Variants in SPOP observed in about 807,000 individuals in gnomAD.
SPOP encodes speckle-type POZ protein.
A neutral mutation model predicts 45.6 loss-of-function variants in SPOP; 11 were observed. The observed-to-expected ratio is 0.24, with a 90% CI of 0.15 to 0.40. The LOEUF (loss-of-function observed/expected upper bound fraction) is 0.40, where lower values mean the gene tolerates loss of function less well. Ranked by LOEUF, SPOP falls within the 10% of genes least tolerant of loss-of-function variation. The pLI is 1.00. For missense variants in SPOP, 152 were observed against 465.6 expected (o/e 0.33, Z 6.20); for synonymous variants, 166 against 166.3 (o/e 1.00, Z 0.01).
intron 1 of SPOP, among the ~76,000 whole-genome samples, chr17:49,644,559 A>G (rs2072719169): frequency 6.6e-6 from 1 of 152,226 alleles, no homozygotes; most frequent in Non-Finnish European, 1.5e-5. Context: ...GGTAAAAAGG[A>G]AAACAATTTA....
At chr17:49,632,647 C>T (rs1006448123) in intron 1 of SPOP, among the ~76,000 whole-genome samples, 57 of 152,188 alleles carry the variant, frequency 3.7e-4, no homozygotes, top group African/African-American at 1.4e-3. Flanking sequence ...CGCCCACCAA[C>T]ATGCCCAGGT....
Position 49,622,760 on chromosome 17 carries a change from G to C in SPOP, c.51C>G (p.Pro17=), listed in dbSNP as rs528362520. The change falls in exon 2 of 10, where the codon CCC becomes CCG. Residue 17 remains proline, a synonymous_variant. Transcript: ENST00000504102. The part of the protein sequence containing the change: ...PPPPAEMSSG[P]VAESWCYTQI... ...GTGTGTAGCACCAACTCTCAGCTACGGGGCCACTCGACATTTCTGCCGGAG... is the reference window on the plus strand; with the variant it reads ...GTGTGTAGCACCAACTCTCAGCTACCGGGCCACTCGACATTTCTGCCGGAG... The C allele has an allele frequency of 6.2e-7, 1 of 1,614,126 alleles. No individual in the cohort carries two copies. The highest frequency in any genetic ancestry group is 2.2e-5 in the East Asian group (1 of 44,870).
intron 1 of SPOP, among the ~76,000 whole-genome samples, chr17:49,673,313 G>A (rs566566648): frequency 1.3e-5 from 2 of 152,148 alleles, no homozygotes; most frequent in Admixed American, 6.6e-5. Context: ...AGACCATCCT[G>A]GCTAACATGG....
At position 49,607,873 on chromosome 17, in the gene SPOP, C is replaced by T; in HGVS notation, c.714+1G>A. 1 of 1,611,126 alleles carries T rather than the reference C, an allele frequency of 6.2e-7. No homozygotes were observed. The highest frequency in any genetic ancestry group is 8.5e-7 in the Non-Finnish European group (1 of 1,178,216). On this transcript the variant is annotated splice_donor_variant, in intron 7 of 9. Coordinates refer to ENST00000504102, the MANE Select transcript of SPOP (RefSeq NM_001007228.2). LOFTEE classifies it high-confidence loss of function. Reference sequence around the variant, plus strand: ...AGACATGTCTTCATCTTGTTACATACCTTTTTGCTCTCCTCCATTTCATGT... The same window carrying T: ...AGACATGTCTTCATCTTGTTACATATCTTTTTGCTCTCCTCCATTTCATGT...
intron 1 of SPOP, among the ~76,000 whole-genome samples, chr17:49,646,782 T>C (rs1383487570): frequency 6.6e-6 from 1 of 152,272 alleles, no homozygotes; most frequent in African/African-American, 2.4e-5. Context: ...GAGTTCCAAT[T>C]TGCTGTGGTC....
intron 1 of SPOP, among the ~76,000 whole-genome samples, chr17:49,665,484 A>AT (rs2073042366): frequency 6.6e-6 from 1 of 151,702 alleles, no homozygotes; most frequent in Non-Finnish European, 1.5e-5. Context: ...GCGTGGTGGC[A>AT]GGCGCCTGTA....
chr17:49,605,909 A>C (rs1386099160), intron 8 of SPOP, among the ~76,000 whole-genome samples: 9 of 150,210 alleles, frequency 6.0e-5, no homozygotes, highest in Non-Finnish European at 7.4e-5. Context: ...AATCACTTGA[A>C]CCTGGGAGGT....
intron 1 of SPOP, among the ~76,000 whole-genome samples, chr17:49,645,776 T>A (rs2072746399): frequency 6.6e-6 from 1 of 152,182 alleles, no homozygotes; most frequent in Admixed American, 6.5e-5. Flanking sequence ...CACTTAAGGC[T>A]TTTTTGCCTT....
At chr17:49,675,808 G>A (rs930814812) in intron 1 of SPOP, 9 of 152,268 alleles carry the variant, frequency 5.9e-5, no homozygotes, top group African/African-American at 2.2e-4. Context: ...GATCACTTGA[G>A]GTCAGGAGTT....
intron 1 of SPOP, among the ~76,000 whole-genome samples, chr17:49,643,643 G>A (rs1363542221): frequency 6.6e-6 from 1 of 152,144 alleles, no homozygotes; most frequent in African/African-American, 2.4e-5. Flanking sequence ...AAATATTCTA[G>A]AAGAAGGCCA....
intron 9 of SPOP, chr17:49,601,290 G>A (rs1202424171): frequency 2.0e-5 from 3 of 152,284 alleles, no homozygotes; most frequent in Non-Finnish European, 4.4e-5. Flanking sequence ...CCACTGAGAA[G>A]ATGGGTTGTA....
At chr17:49,620,633 T>C (rs2072203877) in intron 3 of SPOP, 1 of 154,100 alleles carries the variant, frequency 6.5e-6, no homozygotes, top group Non-Finnish European at 1.5e-5. Flanking sequence ...AGCACAGAAT[T>C]CCAGGCCAGA....
At chr17:49,659,350 G>A (rs1260484658) in intron 1 of SPOP, among the ~76,000 whole-genome samples, 1 of 152,104 alleles carries the variant, frequency 6.6e-6, no homozygotes, top group East Asian at 1.9e-4. Flanking sequence ...TACAACCAAA[G>A]CCAATCACTA....
rs2071748545 is a variant in SPOP, at chr17:49,601,981, C to T, written c.864G>A (p.Met288Ile). 1.2e-6 allele frequency: 2 copies of T among 1,614,038 alleles called. No individual in the cohort carries two copies. The highest frequency in any genetic ancestry group is 1.7e-6 in the Non-Finnish European group (2 of 1,179,998). ...GGTTACTGCAGAGGGCATCCTCACA[C>T]ATGACCTTTAAGCGCTCCAGGGCAT... ...DKYALERLKV[M>I]CEDALCSNLS... The change falls in exon 9 of 10, where the codon ATG becomes ATA. Residue 288 changes from methionine to isoleucine, a missense_variant. Met to Ile is a conservative substitution (Grantham distance 10, BLOSUM62 1). Transcript: ENST00000504102.
At chr17:49,626,623 G>A (rs923111582) in intron 1 of SPOP, among the ~76,000 whole-genome samples, 1 of 151,988 alleles carries the variant, frequency 6.6e-6, no homozygotes, top group Non-Finnish European at 1.5e-5. Context: ...GAACCCAGGA[G>A]GTGGAGGTGG....
chr17:49,659,019 G>C (rs1338568008), intron 1 of SPOP, among the ~76,000 whole-genome samples: 1 of 152,162 alleles, frequency 6.6e-6, no homozygotes, highest in African/African-American at 2.4e-5. Context: ...AAGCCCAAAG[G>C]AGGACCTAGC....
At chr17:49,675,999 G>C (rs1303878772) in intron 1 of SPOP, 1 of 151,746 alleles carries the variant, frequency 6.6e-6, no homozygotes, top group Non-Finnish European at 1.5e-5. Context: ...CAGCCTGGGT[G>C]ACAGAGCAAG....
intron 1 of SPOP, among the ~76,000 whole-genome samples, chr17:49,672,335 A>T (rs2073146510): frequency 6.6e-6 from 1 of 152,212 alleles, no homozygotes; most frequent in African/African-American, 2.4e-5. Flanking sequence ...ATGCCAAAGT[A>T]GCACCACTCC....
chr17:49,675,814 G>A (rs1480193489), intron 1 of SPOP: 1 of 152,182 alleles, frequency 6.6e-6, no homozygotes, highest in East Asian at 1.9e-4. Flanking sequence ...TTGAGGTCAG[G>A]AGTTCGAGAC....
Sources: gnomAD v4.1 joint callset for allele counts (sites outside exome capture counted in the v4.1 genomes callset) on GRCh38, gnomAD v4.1.1 for gene constraint, MANE v1.5 for transcripts, NCBI Gene and HGNC (gene_info 2026-07-23, HGNC 2026-07-21) for gene names.